Variants in ITGA9 observed in about 807,000 individuals in gnomAD.
ITGA9 encodes the protein integrin alpha-9.
In ITGA9, 56 loss-of-function variants were observed where a neutral mutation model predicts 127.8. The ratio of observed to expected loss-of-function variants is 0.44; its 90% CI spans 0.35 to 0.55. ITGA9 has a LOEUF of 0.55. Ranked by LOEUF, ITGA9 falls within the 20% of genes least tolerant of loss-of-function variation. The probability of loss-of-function intolerance (pLI) is 0.00; values close to 1 mark genes in which losing one functional copy is unlikely to be tolerated. For missense variants in ITGA9, 1,196 were observed against 1,347.1 expected, an observed-to-expected ratio of 0.89 and a Z score of 1.76; for synonymous variants, 508 against 514.5, an observed-to-expected ratio of 0.99 and a Z score of 0.17.
rs1559524959 is a variant in ITGA9 at position 37,512,185 on chromosome 3, TTTTCTTTTCTTTTCTTTTCTTTTCTTTC to T, written c.898-1570_898-1543del. ...TTTTCTTTTCTTTTCTTTTCTTTTCTTTTCTTTTCTTTTCTTTTCTTTTCTTTCTTTCTTTCTTCTTTCTTTTCTTTCT... is the reference window on the plus strand; with the variant it reads ...TTTTCTTTTCTTTTCTTTTCTTTTCTTTTCTTTCTTCTTTCTTTTCTTTCT... On this transcript the variant is annotated intron_variant, in intron 8 of 27. Transcript: ENST00000264741. Among the ~76,000 whole-genome samples the T allele has an allele frequency of 3.0e-4, 17 of 56,860 alleles. No individual in the cohort carries two copies. The South Asian group carries it at 3.5e-3, about 12-fold the overall frequency. 37.3% of individuals were successfully genotyped at this position (56,860 alleles called of 152,430 possible). A position where few individuals can be genotyped will look rare whatever the true frequency, so the allele number is the denominator to read the frequency against.
chr3:37,569,880 G>A lies in ITGA9; in HGVS notation c.1689+27295G>A, dbSNP rs74282025. Among the ~76,000 whole-genome samples, 56 of 152,258 alleles carry A rather than the reference G, an allele frequency of 3.7e-4. No individual in the cohort carries two copies. The East Asian group carries it at 0.01, about 28-fold the overall frequency. On this transcript the variant is annotated intron_variant, in intron 15 of 27. Coordinates refer to ENST00000264741, the MANE Select transcript of ITGA9 (RefSeq NM_002207.3). ...CCTCAAAGTATCTCTTTATTATATG[G>A]AGATATTTCAAAATCTGAAAAAATC...
intron 3 of ITGA9, among the ~76,000 whole-genome samples, chr3:37,478,730 A>C (rs1331356613): frequency 6.6e-6 from 1 of 152,210 alleles, no homozygotes; most frequent in Non-Finnish European, 1.5e-5. Context: ...ATCAAGGCTA[A>C]ACACAGTCTT....
intron 23 of ITGA9, among the ~76,000 whole-genome samples, chr3:37,766,963 G>C (rs901689766): frequency 6.6e-6 from 1 of 152,166 alleles, no homozygotes; most frequent in Non-Finnish European, 1.5e-5. Context: ...CTGGGAAATG[G>C]GCTTTGTCTG....
At chr3:37,698,668 GT>G (rs911014261) in intron 18 of ITGA9, among the ~76,000 whole-genome samples, 56 of 151,988 alleles carry the variant, frequency 3.7e-4, no homozygotes, top group Non-Finnish European at 7.5e-4. Context: ...TCGTGTGCAT[GT>G]TTTTTTTCAT....
In ITGA9 at chr3:37,701,369, AG is replaced by A. The variant is rs561277984; in HGVS notation, c.2067+17359del. Among the ~76,000 whole-genome samples, 27 of 152,324 alleles carry A rather than the reference AG, an allele frequency of 1.8e-4. No individual in the cohort carries two copies. The South Asian group carries it at 5.6e-3, about 32-fold the overall frequency. The stretch of plus-strand genomic sequence containing the variant: ...TGTAGTTTGTTTGGGAGGTGAAGAT[AG>A]GGGGATATATTAGGAAGTGAGACAG... On this transcript the variant is annotated intron_variant, in intron 18 of 27. Transcript: ENST00000264741.
intron 15 of ITGA9, among the ~76,000 whole-genome samples, chr3:37,618,780 C>G (rs1309613294): frequency 1.3e-5 from 2 of 152,228 alleles, no homozygotes; most frequent in Admixed American, 6.5e-5. Context: ...GATATAATCT[C>G]CTCGTGTGCT....
At chr3:37,805,338 C>T (rs1338262534) in intron 27 of ITGA9, among the ~76,000 whole-genome samples, 3 of 152,152 alleles carry the variant, frequency 2.0e-5, no homozygotes, top group African/African-American at 4.8e-5. Flanking sequence ...TGTGAACCAA[C>T]GCACCTGGCC....
At chr3:37,632,519 G>A (rs1700238217) in intron 16 of ITGA9, among the ~76,000 whole-genome samples, 1 of 152,152 alleles carries the variant, frequency 6.6e-6, no homozygotes, top group South Asian at 2.1e-4. Flanking sequence ...TAAGAAAAGA[G>A]AAAGAAGGGG....
intron 23 of ITGA9, among the ~76,000 whole-genome samples, chr3:37,769,539 C>T (rs967632568): frequency 1.3e-5 from 2 of 152,204 alleles, no homozygotes; most frequent in African/African-American, 4.8e-5. Flanking sequence ...ATGCCCTCCT[C>T]TGTGTCCAGG....
chr3:37,475,598 A>AT (rs1380626495), intron 3 of ITGA9, among the ~76,000 whole-genome samples: 3 of 152,188 alleles, frequency 2.0e-5, no homozygotes, highest in Non-Finnish European at 4.4e-5. Flanking sequence ...ATGCAGGACT[A>AT]TTTTTTTAAT....
At chr3:37,732,662 A>G in intron 18 of ITGA9, 50 bp from the exon 19 acceptor site, 2 of 1,438,912 alleles carry the variant, frequency 1.4e-6, no homozygotes, top group South Asian at 2.4e-5. Context: ...CTGCTCCCAC[A>G]CACCTGCCTT....
At chr3:37,719,583 A>G (rs1575207360) in intron 18 of ITGA9, among the ~76,000 whole-genome samples, 1 of 152,236 alleles carries the variant, frequency 6.6e-6, no homozygotes, top group East Asian at 1.9e-4. Flanking sequence ...CGCCTATGAC[A>G]GTTCGCCATA....
intron 17 of ITGA9, among the ~76,000 whole-genome samples, chr3:37,654,175 T>C (rs999802050): frequency 1.4e-5 from 2 of 145,818 alleles, no homozygotes; most frequent in African/African-American, 5.2e-5. Context: ...AATAAAGGTT[T>C]ATGCCCTCCT....
intron 7 of ITGA9, among the ~76,000 whole-genome samples, chr3:37,507,106 A>T (rs1372791988): frequency 1.3e-5 from 2 of 152,146 alleles, no homozygotes; most frequent in African/African-American, 4.8e-5. Context: ...CCTCCTCCCT[A>T]ACACTGATGC....
intron 23 of ITGA9, among the ~76,000 whole-genome samples, chr3:37,772,464 G>A (rs1196056047): frequency 6.6e-6 from 1 of 152,060 alleles, no homozygotes; most frequent in African/African-American, 2.4e-5. Context: ...GAACTGCTGT[G>A]AGGACTGAAT....
intron 15 of ITGA9, among the ~76,000 whole-genome samples, chr3:37,595,025 C>T (rs114128649): frequency 9.6e-4 from 146 of 152,258 alleles, no homozygotes; most frequent in Non-Finnish European, 1.6e-3. Flanking sequence ...CTGGTTCTCC[C>T]TAGTCATCTC....
intron 18 of ITGA9, among the ~76,000 whole-genome samples, chr3:37,710,512 G>A (rs1302943320): frequency 6.6e-6 from 1 of 152,308 alleles, no homozygotes; most frequent in Non-Finnish European, 1.5e-5. Context: ...AGGGCTGTCC[G>A]CTGAACATGA....
chr3:37,770,091 C>G (rs1169572841), intron 23 of ITGA9, among the ~76,000 whole-genome samples: 2 of 152,136 alleles, frequency 1.3e-5, no homozygotes, highest in Non-Finnish European at 1.5e-5. Flanking sequence ...GCTTATCTGT[C>G]ACATCCCTGA....
At chr3:37,505,368 C>T (rs1025278888) in intron 6 of ITGA9, among the ~76,000 whole-genome samples, 2 of 152,142 alleles carry the variant, frequency 1.3e-5, no homozygotes, top group Non-Finnish European at 2.9e-5. Flanking sequence ...CTGGAAACAA[C>T]CTAAATGCCC....
Sources: allele counts gnomAD v4.1 joint callset (sites outside exome capture counted in the v4.1 genomes callset), GRCh38; gene constraint gnomAD v4.1.1; transcripts MANE v1.5; gene names NCBI Gene and HGNC (gene_info 2026-07-23, HGNC 2026-07-21).